Variants in GPC6 observed in about 807,000 individuals in gnomAD.
The protein encoded by GPC6 is glypican 6.
Under a neutral mutation model 55.2 loss-of-function variants are expected in GPC6, and 14 were observed. The observed-to-expected ratio is 0.25, with a 90% CI of 0.17 to 0.40. The LOEUF (loss-of-function observed/expected upper bound fraction) is 0.40, where lower values mean the gene tolerates loss of function less well. Ranked by LOEUF, GPC6 falls within the 10% of genes least tolerant of loss-of-function variation. GPC6 has a pLI of 1.00. For synonymous variants in GPC6, 278 were observed against 259.6 expected, an observed-to-expected ratio of 1.07 and a Z score of -0.68; for missense variants, 641 against 708.5, an observed-to-expected ratio of 0.90 and a Z score of 1.08.
intron 1 of GPC6, 106 bp from the exon 2 acceptor site, chr13:93,545,157 T>A (rs1050129995): frequency 2.1e-6 from 2 of 931,692 alleles, no homozygotes; most frequent in African/African-American, 3.2e-5. Flanking sequence ...GAGAAGTAGA[T>A]GGAACAAGCA....
At chr13:93,411,378 C>T (rs1472070090) in intron 1 of GPC6, among the ~76,000 whole-genome samples, 2 of 152,176 alleles carry the variant, frequency 1.3e-5, no homozygotes, top group African/African-American at 2.4e-5. Flanking sequence ...AAGGCAGACC[C>T]TTGGGCTGTA....
intron 2 of GPC6, among the ~76,000 whole-genome samples, chr13:93,639,710 G>A (rs549741851): frequency 6.6e-5 from 10 of 152,190 alleles, no homozygotes; most frequent in South Asian, 2.1e-4. Flanking sequence ...ATAATTGCCC[G>A]TTTTGTAGAT....
chr13:93,412,377 C>T (rs906435959), intron 1 of GPC6, among the ~76,000 whole-genome samples: 9 of 152,238 alleles, frequency 5.9e-5, no homozygotes, highest in Admixed American at 2.0e-4. Context: ...CAGGCCAAGC[C>T]GGGCACAGTG....
intron 1 of GPC6, among the ~76,000 whole-genome samples, chr13:93,499,395 G>A (rs1333893146): frequency 6.6e-6 from 1 of 152,170 alleles, no homozygotes; most frequent in African/African-American, 2.4e-5. Flanking sequence ...TGAACATTCT[G>A]TCAAAGTCAT....
intron 3 of GPC6, among the ~76,000 whole-genome samples, chr13:93,911,798 G>A (rs1876997760): frequency 6.6e-6 from 1 of 152,188 alleles, no homozygotes; most frequent in South Asian, 2.1e-4. Context: ...TAAGTTAATG[G>A]AGTAAATGTC....
chr13:93,586,137 A>G lies in GPC6; in HGVS notation c.319+40716A>G, dbSNP rs147826845. On this transcript the variant is annotated intron_variant, in intron 2 of 8. Transcript: ENST00000377047. Reference sequence around the variant, plus strand: ...TGATCTTTACCCTCCAAAAGGCCCAAGTGTGTGTTGCTCCCCTCTATGTGT... The same window carrying G: ...TGATCTTTACCCTCCAAAAGGCCCAGGTGTGTGTTGCTCCCCTCTATGTGT... Among the ~76,000 whole-genome samples, 8 of 152,132 alleles carry G rather than the reference A, an allele frequency of 5.3e-5. No homozygotes were observed. The East Asian group carries it at 1.4e-3, about 26-fold the overall frequency.
At chr13:93,775,276 A>T (rs12873724) in intron 2 of GPC6, among the ~76,000 whole-genome samples, 1 of 152,152 alleles carries the variant, frequency 6.6e-6, no homozygotes, top group African/African-American at 2.4e-5. Flanking sequence ...AGTAGCTGGG[A>T]CCATAGGCGC....
At chr13:93,613,524 ACAC>A (rs1426203712) in intron 2 of GPC6, among the ~76,000 whole-genome samples, 13 of 132,684 alleles carry the variant, frequency 9.8e-5, no homozygotes, top group Admixed American at 7.6e-4. Flanking sequence ...ACACACACAC[ACAC>A]AAAACACACA....
chr13:93,743,552 G>GT (rs1292792531), intron 2 of GPC6, among the ~76,000 whole-genome samples: 1 of 151,496 alleles, frequency 6.6e-6, no homozygotes, highest in Non-Finnish European at 1.5e-5. Context: ...TTGTTTATAG[G>GT]TTTTTGCTTT....
intron 1 of GPC6, among the ~76,000 whole-genome samples, chr13:93,472,952 T>C (rs1879175921): frequency 6.6e-6 from 1 of 152,188 alleles, no homozygotes; most frequent in African/African-American, 2.4e-5. Context: ...GATTGTCTCA[T>C]GTGCTTACTC....
chr13:93,848,088 A>G (rs1242760936), intron 3 of GPC6, among the ~76,000 whole-genome samples: 1 of 152,124 alleles, frequency 6.6e-6, no homozygotes, highest in Non-Finnish European at 1.5e-5. Context: ...GCATCCCATA[A>G]TCTTAGCTAC....
intron 4 of GPC6, among the ~76,000 whole-genome samples, chr13:94,225,128 T>C (rs879745600): frequency 8.5e-5 from 13 of 152,086 alleles, no homozygotes; most frequent in Non-Finnish European, 1.6e-4. Context: ...ATGTCTAGGG[T>C]GTCGGCTGTT....
chr13:93,366,713 T>A (rs554478450), intron 1 of GPC6, among the ~76,000 whole-genome samples: 37 of 152,160 alleles, frequency 2.4e-4, no homozygotes, highest in African/African-American at 7.5e-4. Flanking sequence ...TTTATTTGGG[T>A]AGACTTGAAA....
chr13:93,523,007 G>GAAA (rs145925821), intron 1 of GPC6, among the ~76,000 whole-genome samples: 11 of 90,028 alleles, frequency 1.2e-4, no homozygotes, highest in African/African-American at 3.6e-4. Context: ...AAGAAAGAGG[G>GAAA]AAAAAATATA....
At chr13:93,517,565 TC>T (rs951018996) in intron 1 of GPC6, among the ~76,000 whole-genome samples, 2 of 152,118 alleles carry the variant, frequency 1.3e-5, no homozygotes, top group African/African-American at 4.8e-5. Flanking sequence ...ATTTTTATGT[TC>T]TTTATGCTTT....
intron 2 of GPC6, among the ~76,000 whole-genome samples, chr13:93,807,596 A>C: frequency 6.6e-6 from 1 of 152,192 alleles, no homozygotes; most frequent in East Asian, 1.9e-4. Context: ...TGGTTCTGAC[A>C]CCACTGATCC....
intron 2 of GPC6, among the ~76,000 whole-genome samples, chr13:93,565,106 AT>A (rs545521797): frequency 6.6e-6 from 1 of 151,722 alleles, no homozygotes; most frequent in Non-Finnish European, 1.5e-5. Flanking sequence ...ATTCAGTTTT[AT>A]TTTTTTCTCC....
intron 1 of GPC6, among the ~76,000 whole-genome samples, chr13:93,428,376 A>G (rs1380350832): frequency 6.6e-6 from 1 of 152,164 alleles, no homozygotes; most frequent in Non-Finnish European, 1.5e-5. Context: ...GGAGCATCAA[A>G]CAAACAGCAA....
chr13:93,250,961 C>T (rs755290029), intron 1 of GPC6, among the ~76,000 whole-genome samples: 1 of 152,162 alleles, frequency 6.6e-6, no homozygotes, highest in Non-Finnish European at 1.5e-5. Context: ...AGACACGTCT[C>T]ACATGGCAGC....
Sources: gnomAD v4.1 joint callset for allele counts (sites outside exome capture counted in the v4.1 genomes callset) on GRCh38, gnomAD v4.1.1 for gene constraint, MANE v1.5 for transcripts, NCBI Gene and HGNC (gene_info 2026-07-23, HGNC 2026-07-21) for gene names.